Variants in ACSBG1 observed in about 807,000 individuals in gnomAD.
ACSBG1 encodes the protein acyl-CoA synthetase bubblegum family member 1, also known as long-chain-fatty-acid--CoA ligase ACSBG1.
ACSBG1 carries 39 observed loss-of-function variants against 80.2 expected under a neutral mutation model. The ratio of observed to expected loss-of-function variants is 0.49; its 90% CI spans 0.38 to 0.64. The LOEUF (loss-of-function observed/expected upper bound fraction) is 0.64, where lower values mean the gene tolerates loss of function less well. ACSBG1 is among the 30% of genes least tolerant of loss of function. ACSBG1 has a pLI of 0.00. For missense variants in ACSBG1, 828 were observed against 966.4 expected (o/e 0.86, Z 1.90); for synonymous variants, 392 against 379.5 (o/e 1.03, Z -0.38).
chr15:78,180,818 C>T lies in ACSBG1; in HGVS notation c.1190G>A (p.Arg397Gln), dbSNP rs201092202. ...CATGGCCCACAGCAGCATCTTTCGC[C>T]GGATGAAGCCAGACTGAGCCGCCAC... ...QEVAAQSGFIRRKMLLWAMSV... is the reference protein window; with the variant it reads ...QEVAAQSGFIQRKMLLWAMSV... The change falls in exon 9 of 14, where the codon CGG becomes CAG. Residue 397 changes from arginine to glutamine, a missense_variant. Physicochemically the swap from Arg to Gln is conservative, Grantham distance 43. Transcript: ENST00000258873. The T allele has an allele frequency of 3.2e-4, 514 of 1,614,228 alleles. 1 individual carries two copies. The Middle Eastern group carries it at 6.6e-3, about 21-fold the overall frequency.
intron 2 of ACSBG1, among the ~76,000 whole-genome samples, chr15:78,204,853 T>C (rs2075199784): frequency 6.6e-6 from 1 of 152,126 alleles, no homozygotes; most frequent in South Asian, 2.1e-4. Context: ...ACACCACCCC[T>C]TGCAACATTT....
At chr15:78,211,177 TG>T (rs910462062) in intron 1 of ACSBG1, among the ~76,000 whole-genome samples, 2 of 152,260 alleles carry the variant, frequency 1.3e-5, no homozygotes, top group Non-Finnish European at 2.9e-5. Flanking sequence ...AAAAGCATTT[TG>T]GGCCCTTCTC....
intron 5 of ACSBG1, among the ~76,000 whole-genome samples, chr15:78,184,775 T>C (rs1468999382): frequency 1.3e-5 from 2 of 152,168 alleles, no homozygotes; most frequent in African/African-American, 4.8e-5. Flanking sequence ...ACTGGACAAA[T>C]AGAATAGCTG....
chr15:78,181,783 G>A (rs904734823), intron 8 of ACSBG1, among the ~76,000 whole-genome samples, 186 bp downstream of exon 8: 16 of 152,076 alleles, frequency 1.1e-4, no homozygotes, highest in Non-Finnish European at 2.1e-4. Context: ...GTGAGCCACC[G>A]TGCCCGGCCT....
At chr15:78,182,904 C>T in intron 5 of ACSBG1, 119 bp from the exon 6 acceptor site, 2 of 1,048,916 alleles carry the variant, frequency 1.9e-6, no homozygotes, top group Non-Finnish European at 2.8e-6. Flanking sequence ...CGTCTCTGAC[C>T]TTCGACCCCA....
intron 13 of ACSBG1, 144 bp from the exon 14 acceptor site, chr15:78,171,673 C>A (rs139852452): frequency 1.1e-5 from 7 of 639,272 alleles, no homozygotes; most frequent in East Asian, 8.7e-5. Context: ...GCCTCCAAGA[C>A]AGTGATCGCT....
At chr15:78,184,358 T>A (rs564556457) in intron 5 of ACSBG1, among the ~76,000 whole-genome samples, 16 of 152,154 alleles carry the variant, frequency 1.1e-4, no homozygotes, top group Non-Finnish European at 1.5e-4. Context: ...CCTTTTTTTT[T>A]TTGTAGAGAC....
intron 5 of ACSBG1, among the ~76,000 whole-genome samples, chr15:78,183,490 T>A (rs911441552): frequency 2.6e-5 from 4 of 152,106 alleles, no homozygotes; most frequent in Non-Finnish European, 4.4e-5. Context: ...GGCACGAGAC[T>A]CGCTTGAGCC....
At position 78,174,359 on chromosome 15, in the gene ACSBG1, T is replaced by C. The variant is rs2141319133; in HGVS notation, c.1842+26A>G. 6 of 1,613,952 alleles carry C rather than the reference T, an allele frequency of 3.7e-6. No individual in the cohort carries two copies. The East Asian group carries it at 1.3e-4, about 36-fold the overall frequency. On this transcript the variant is annotated intron_variant, in intron 12 of 13. Coordinates refer to ENST00000258873, the MANE Select transcript of ACSBG1 (RefSeq NM_015162.5). ...ACAGACCCCCTCACTGGCTGCTCCT[T>C]CTGAGCTGGAGCCCCCCAGACACAC...
In ACSBG1 at chr15:78,192,670, C is replaced by T. The variant is rs148588524; in HGVS notation, c.663+836G>A. On this transcript the variant is annotated intron_variant, in intron 5 of 13. Coordinates refer to ENST00000258873, the MANE Select transcript of ACSBG1 (RefSeq NM_015162.5). ...CTCTTTCAGGCTTCAGGAAACTTCT[C>T]CACTAGAAATGAGGATAGGCACCTG... 4.7e-4 allele frequency among the ~76,000 whole-genome samples: 71 copies of T among 152,320 alleles called. 1 individual carries two copies. The highest frequency in any genetic ancestry group is 1.5e-3 in the African/African-American group (63 of 41,574).
chr15:78,216,380 G>T (rs2075311947), intron 1 of ACSBG1, among the ~76,000 whole-genome samples: 1 of 152,198 alleles, frequency 6.6e-6, no homozygotes, highest in African/African-American at 2.4e-5. Flanking sequence ...AAGGAAGAAA[G>T]CTGGCAAGGA....
intron 1 of ACSBG1, among the ~76,000 whole-genome samples, chr15:78,216,160 G>A (rs930225034): frequency 2.6e-5 from 4 of 152,188 alleles, no homozygotes; most frequent in Admixed American, 6.5e-5. Context: ...CCCAGTGACT[G>A]ACAGTTCCCT....
chr15:78,232,774 T>C (rs1354550347), intron 1 of ACSBG1, among the ~76,000 whole-genome samples: 1 of 150,864 alleles, frequency 6.6e-6, no homozygotes, highest in Non-Finnish European at 1.5e-5. Flanking sequence ...AATTTCCACC[T>C]CCCGGGTTCA....
chr15:78,212,646 C>T (rs1417285524), intron 1 of ACSBG1: 7 of 454,514 alleles, frequency 1.5e-5, no homozygotes, highest in African/African-American at 4.0e-5. Flanking sequence ...AGGAGAGAGC[C>T]AGAACCTCAG....
intron 1 of ACSBG1, among the ~76,000 whole-genome samples, chr15:78,220,288 AAAGT>A (rs2075350103): frequency 6.6e-6 from 1 of 152,258 alleles, no homozygotes; most frequent in Admixed American, 6.5e-5. Context: ...ATAAATAAAT[AAAGT>A]TAGATTCTTT....
intron 1 of ACSBG1, among the ~76,000 whole-genome samples, chr15:78,224,446 G>A (rs1004633956): frequency 3.9e-5 from 6 of 152,182 alleles, no homozygotes; most frequent in East Asian, 1.9e-4. Flanking sequence ...TGGGCCGGGC[G>A]TGGTGGCTCA....
In ACSBG1 at chr15:78,168,673, C is replaced by G. The variant is rs948253604; in HGVS notation, c.*2771G>C. On this transcript the variant is annotated 3_prime_UTR_variant, in exon 14 of 14. Transcript: ENST00000258873. The stretch of plus-strand genomic sequence containing the variant: ...AAAGGGAAAATTTTGGTAAAGCTCC[C>G]TGCCTCCCTTTGCATCAAGAGCACC... The G allele has an allele frequency of 4.1e-5, 13 of 314,384 alleles. No individual in the cohort carries two copies. Among genetic ancestry groups the G allele is most frequent in the Non-Finnish European group, 7.0e-5 (12 of 170,894 alleles). The allele number at this position is 314,384 out of a possible 1,614,324, so 19.5% of individuals were successfully genotyped here. A position where few individuals can be genotyped will look rare whatever the true frequency, so the allele number is the denominator to read the frequency against.
At chr15:78,225,051 A>G (rs931725871) in intron 1 of ACSBG1, among the ~76,000 whole-genome samples, 7 of 152,204 alleles carry the variant, frequency 4.6e-5, no homozygotes, top group Non-Finnish European at 7.3e-5. Flanking sequence ...TATGGTCAAT[A>G]TTAAAAAATC....
At chr15:78,176,342 C>T (rs537011351) in intron 11 of ACSBG1, among the ~76,000 whole-genome samples, 1 of 152,230 alleles carries the variant, frequency 6.6e-6, no homozygotes, top group Admixed American at 6.5e-5. Flanking sequence ...GAAAAAAATT[C>T]ATCTGCTATT....
Sources: gnomAD v4.1 joint callset for allele counts (sites outside exome capture counted in the v4.1 genomes callset) on GRCh38, gnomAD v4.1.1 for gene constraint, MANE v1.5 for transcripts, NCBI Gene and HGNC (gene_info 2026-07-23, HGNC 2026-07-21) for gene names.